Variants in IFT25 observed in about 807,000 individuals in gnomAD.
The protein encoded by IFT25 is intraflagellar transport 25.
the IFT25 span, among the ~76,000 whole-genome samples, chr1:53,938,250 TA>T: frequency 6.6e-6 from 1 of 152,258 alleles, no homozygotes; most frequent in Non-Finnish European, 1.5e-5. Flanking sequence ...TATATGTGTT[TA>T]TATGTATGTG....
At chr1:53,937,437 C>T in the IFT25 span, among the ~76,000 whole-genome samples, 1 of 152,058 alleles carries the variant, frequency 6.6e-6, no homozygotes, top group African/African-American at 2.4e-5. Flanking sequence ...CTTTTAGTGT[C>T]TACAATATAC....
the IFT25 span, among the ~76,000 whole-genome samples, chr1:53,918,132 A>G: frequency 6.6e-6 from 1 of 152,204 alleles, no homozygotes; most frequent in Non-Finnish European, 1.5e-5. Flanking sequence ...CTCCTCCTAC[A>G]TACCCATCTC....
the IFT25 span, among the ~76,000 whole-genome samples, chr1:53,926,546 C>A: frequency 6.6e-6 from 1 of 152,142 alleles, no homozygotes; most frequent in African/African-American, 2.4e-5. Context: ...AATATGAAAC[C>A]CAATTCCTAT....
the IFT25 span, among the ~76,000 whole-genome samples, chr1:53,913,383 T>C: frequency 6.6e-6 from 1 of 152,186 alleles, no homozygotes; most frequent in African/African-American, 2.4e-5. Context: ...CAAAGAATCC[T>C]TGTTGGAGGC....
At chr1:53,916,784 C>T in the IFT25 span, 3 of 391,292 alleles carry the variant, frequency 7.7e-6, no homozygotes, top group Admixed American at 1.3e-4. Context: ...CTCACCTTCA[C>T]ATCTCTTATC....
chr1:53,935,221 G>A, the IFT25 span, among the ~76,000 whole-genome samples: 1 of 152,160 alleles, frequency 6.6e-6, no homozygotes, highest in African/African-American at 2.4e-5. Context: ...GCTGAGGCAG[G>A]AGAATCGCTT....
the IFT25 span, among the ~76,000 whole-genome samples, chr1:53,913,460 T>C: frequency 1.3e-5 from 2 of 152,166 alleles, no homozygotes; most frequent in Non-Finnish European, 2.9e-5. Flanking sequence ...GAGTCTTCAT[T>C]AGTGGGGCTT....
chr1:53,928,310 G>A, the IFT25 span: 11 of 1,281,054 alleles, frequency 8.6e-6, no homozygotes, highest in Middle Eastern at 1.8e-4. Flanking sequence ...GATGAGAAAT[G>A]CAGAATCAAA....
At chr1:53,916,802 C>G in the IFT25 span, 1 of 394,524 alleles carries the variant, frequency 2.5e-6, no homozygotes, top group Non-Finnish European at 4.5e-6. Context: ...ATCTGGTATA[C>G]CAAGGTGGCT....
At chr1:53,940,838 T>G in the IFT25 span, among the ~76,000 whole-genome samples, 1 of 151,884 alleles carries the variant, frequency 6.6e-6, no homozygotes, top group African/African-American at 2.4e-5. Flanking sequence ...GCCTCCCAAG[T>G]AGCTGAGACT....
chr1:53,923,257 C>T, the IFT25 span, among the ~76,000 whole-genome samples: 1 of 151,968 alleles, frequency 6.6e-6, no homozygotes, highest in Non-Finnish European at 1.5e-5. Context: ...TATTTTAACC[C>T]TCATTTAGGG....
chr1:53,931,171 C>T, the IFT25 span, among the ~76,000 whole-genome samples: 2 of 152,140 alleles, frequency 1.3e-5, no homozygotes, highest in Non-Finnish European at 2.9e-5. Context: ...TGTTTCCATT[C>T]GTGATTTTGT....
At chr1:53,944,593 G>A in the IFT25 span, among the ~76,000 whole-genome samples, 22 of 152,314 alleles carry the variant, frequency 1.4e-4, no homozygotes, top group South Asian at 1.0e-3. Context: ...TCAGTGAGGC[G>A]AGACCGCGCC....
At chr1:53,928,691 T>C in the IFT25 span, 23 of 394,714 alleles carry the variant, frequency 5.8e-5, no homozygotes, top group East Asian at 8.9e-4. Flanking sequence ...GAATTTGGCA[T>C]TGTTCCGATT....
the IFT25 span, among the ~76,000 whole-genome samples, chr1:53,936,295 C>G: frequency 0.022 from 3,367 of 150,430 alleles, 54 homozygotes; most frequent in Non-Finnish European, 0.035. Flanking sequence ...CTCAAAAAAA[C>G]AAAAATTAGT....
chr1:53,930,193 T>A, the IFT25 span: 1 of 1,497,322 alleles, frequency 6.7e-7, no homozygotes, highest in Non-Finnish European at 8.9e-7. Context: ...ATATAAATGG[T>A]TAATCATAAA....
At chr1:53,935,629 A>C in the IFT25 span, among the ~76,000 whole-genome samples, 3 of 146,212 alleles carry the variant, frequency 2.1e-5, no homozygotes, top group South Asian at 6.4e-4. Flanking sequence ...GGCCAGAACT[A>C]CTTTTTTTTT....
chr1:53,913,015 T>C, the IFT25 span, among the ~76,000 whole-genome samples: 6 of 152,216 alleles, frequency 3.9e-5, no homozygotes, highest in Non-Finnish European at 8.8e-5. Flanking sequence ...GCCATTGTAC[T>C]CATGAGCCAG....
the IFT25 span, among the ~76,000 whole-genome samples, chr1:53,923,297 T>TAATA: frequency 0.22 from 33,115 of 152,024 alleles, 5,432 homozygotes; most frequent in African/African-American, 0.47. Context: ...CATGACCACC[T>TAATA]AATAGATATT....
Sources: gnomAD v4.1 joint callset for allele counts (sites outside exome capture counted in the v4.1 genomes callset) on GRCh38, gnomAD v4.1.1 for gene constraint, MANE v1.5 for transcripts, NCBI Gene and HGNC (gene_info 2026-07-23, HGNC 2026-07-21) for gene names.